Variants in TPI1 observed in about 807,000 individuals in gnomAD.
TPI1 encodes triosephosphate isomerase.
TPI1 carries 11 observed loss-of-function variants against 31.0 expected under a neutral mutation model. That is an observed-to-expected ratio of 0.36 (90% CI 0.22 to 0.59). The LOEUF (loss-of-function observed/expected upper bound fraction) is 0.59. Among genes scored for constraint, TPI1 ranks in the 20% least tolerant of loss-of-function variants. TPI1 has a pLI of 0.79. For synonymous variants in TPI1, 121 were observed against 122.8 expected, an observed-to-expected ratio of 0.99 and a Z score of 0.10; for missense variants, 245 against 319.7, an observed-to-expected ratio of 0.77 and a Z score of 1.78.
chr12:6,867,866 C>T (rs1482237290), intron 1 of TPI1, among the ~76,000 whole-genome samples, 185 bp downstream of exon 1: 4 of 152,108 alleles, frequency 2.6e-5, no homozygotes, highest in Non-Finnish European at 5.9e-5. Flanking sequence ...GTCGGTGCGT[C>T]GAGGGGGCAG....
At chr12:6,868,500 C>A in intron 1 of TPI1, 1 of 1,282,734 alleles carries the variant, frequency 7.8e-7, no homozygotes, top group South Asian at 1.3e-5. Flanking sequence ...CCTTGCCTTG[C>A]AAAGGGGAGG....
rs782622700 is a variant in TPI1 at position 6,867,546 on chromosome 12, C to T, written c.-21C>T. The T allele has an allele frequency of 1.4e-5, 22 of 1,610,004 alleles. No individual in the cohort carries two copies. The highest frequency in any genetic ancestry group is 3.4e-5 in the Admixed American group (2 of 59,444). ...GCGACTGCGCGCAGACACTGACCTT[C>T]AGCGCCTCGGCTCCAGCGCCATGGC... On this transcript the variant is annotated 5_prime_UTR_variant, in exon 1 of 7. Transcript: ENST00000396705.
At chr12:6,868,783 G>A (rs1944514731) in intron 1 of TPI1, 81 bp from the exon 2 acceptor site, 3 of 1,544,812 alleles carry the variant, frequency 1.9e-6, no homozygotes, top group East Asian at 2.4e-5. Flanking sequence ...GGGCTGGGGG[G>A]CTCCAGGGCA....
rs782730215 is a variant in TPI1, at chr12:6,870,541, C to T, written c.*158C>T. On this transcript the variant is annotated 3_prime_UTR_variant, in exon 7 of 7. Coordinates refer to ENST00000396705, the MANE Select transcript of TPI1 (RefSeq NM_000365.6). Reference sequence around the variant, plus strand: ...TCTTCCTTTACTGTTTATATCTTCACCCTGTAATGGTTGGGACCAGGCCAA... The same window carrying T: ...TCTTCCTTTACTGTTTATATCTTCATCCTGTAATGGTTGGGACCAGGCCAA... 6.4e-6 allele frequency: 5 copies of T among 779,808 alleles called. No homozygotes were observed. The highest frequency in any genetic ancestry group is 1.4e-5 in the South Asian group (1 of 73,844). 48.3% of individuals were successfully genotyped at this position (779,808 alleles called of 1,614,324 possible).
At chr12:6,869,984 G>T (rs1278334140) in intron 5 of TPI1, 65 bp from the exon 6 acceptor site, 1 of 1,566,980 alleles carries the variant, frequency 6.4e-7, no homozygotes, top group Non-Finnish European at 8.8e-7. Flanking sequence ...GTGTCCACTG[G>T]TGCCAGTGAT....
At chr12:6,868,752 G>C in intron 1 of TPI1, 112 bp from the exon 2 acceptor site, 1 of 1,498,284 alleles carries the variant, frequency 6.7e-7, no homozygotes, top group Non-Finnish European at 9.0e-7. Context: ...GGGGAGAGCA[G>C]AACCAAGAAG....
chr12:6,867,828 C>A, intron 1 of TPI1, 147 bp downstream of exon 1: 1 of 893,600 alleles, frequency 1.1e-6, no homozygotes, highest in Non-Finnish European at 1.6e-6. Context: ...CGCTGGGGTC[C>A]GGGCAGGGGC....
chr12:6,869,033 T>A lies in TPI1; in HGVS notation c.239+46T>A, dbSNP rs1565537540. On this transcript the variant is annotated intron_variant, in intron 2 of 6. Coordinates refer to ENST00000396705, the MANE Select transcript of TPI1 (RefSeq NM_000365.6). ...GGTGTGTGGGACCCTTCCCTCACTT[T>A]CCTCGTTGAGGGGAAAGCCACAGGG... 1.9e-6 allele frequency: 3 copies of A among 1,614,178 alleles called. No homozygotes were observed. In the East Asian group the frequency reaches 6.7e-5, roughly 36 times the overall value.
chr12:6,867,945 GGCCCCGGGGCGC>G (rs1253927276), intron 1 of TPI1, among the ~76,000 whole-genome samples: 2 of 152,176 alleles, frequency 1.3e-5, no homozygotes, highest in African/African-American at 4.8e-5. Flanking sequence ...GGAGGAAGGT[GGCCCCGGGGCGC>G]GCACTGGGGC....
intron 6 of TPI1, 42 bp from the exon 7 acceptor site, chr12:6,870,223 C>T: frequency 1.2e-6 from 2 of 1,603,834 alleles, no homozygotes; most frequent in Non-Finnish European, 1.7e-6. Context: ...GGGGCAGACT[C>T]ATCCCATTCT....
chr12:6,867,710 CGGGCCG>C lies in TPI1; in HGVS notation c.115+46_115+51del, dbSNP rs138787695. On this transcript the variant is annotated intron_variant, in intron 1 of 6. Transcript: ENST00000396705. ...AGCCCTCGCCGAGGAGGGGTCTGGC[CGGGCCG>C]GGGCCGGGGCCGGGGCAGGAGTGGC... The C allele has an allele frequency of 9.6e-3, 15,050 of 1,575,808 alleles. 1,201 individuals carry two copies. In the East Asian group the frequency reaches 0.21, roughly 22 times the overall value.
intron 1 of TPI1, 104 bp from the exon 2 acceptor site, chr12:6,868,760 A>AAG: frequency 6.6e-7 from 1 of 1,512,004 alleles, no homozygotes. Context: ...CAGAACCAAG[A>AAG]AGAAGAGGGT....
chr12:6,867,994 A>G, intron 1 of TPI1: 1 of 1,093,432 alleles, frequency 9.1e-7, no homozygotes, highest in Non-Finnish European at 1.2e-6. Flanking sequence ...CGGGGTTAGG[A>G]GCGGAGCCCG....
In TPI1 at chr12:6,867,685, A is replaced by T; in HGVS notation, c.115+4A>T. ...GCCAAGGTGCCGGCCGACACCGGTA[A>T]GCCCTCGCCGAGGAGGGGTCTGGCC... On this transcript the variant is annotated splice_donor_region_variant and intron_variant, in intron 1 of 6. Transcript: ENST00000396705. The T allele has an allele frequency of 6.3e-7, 1 of 1,590,580 alleles. No homozygotes were observed. The highest frequency in any genetic ancestry group is 8.6e-7 in the Non-Finnish European group (1 of 1,162,866).
chr12:6,869,962 A>G (rs1944550284), intron 5 of TPI1, 87 bp from the exon 6 acceptor site: 2 of 1,512,704 alleles, frequency 1.3e-6, no homozygotes, highest in Non-Finnish European at 9.2e-7. Flanking sequence ...ACTCAGTCAG[A>G]AACCACACTA....
intron 1 of TPI1, chr12:6,868,110 C>G: frequency 7.8e-7 from 1 of 1,274,504 alleles, no homozygotes; most frequent in African/African-American, 1.5e-5. Flanking sequence ...GACTCCTCCC[C>G]TTCCTCGCCG....
chr12:6,868,809 G>A, intron 1 of TPI1, 55 bp from the exon 2 acceptor site: 1 of 1,581,254 alleles, frequency 6.3e-7, no homozygotes, highest in Non-Finnish European at 8.6e-7. Flanking sequence ...TAGGAATTGT[G>A]GGGAATGAAG....
In TPI1 at chr12:6,867,736, A is replaced by G. The variant is rs782637573; in HGVS notation, c.115+55A>G. ...GGGCCGGGGCCGGGGCCGGGGCAGG[A>G]GTGGCAGCGCCCTCTCCCGAGGCCC... On this transcript the variant is annotated intron_variant, in intron 1 of 6. Coordinates refer to ENST00000396705, the MANE Select transcript of TPI1 (RefSeq NM_000365.6). The G allele has an allele frequency of 3.8e-4, 574 of 1,498,482 alleles. 2 individuals are homozygous for G. The African/African-American group carries it at 7.0e-3, about 18-fold the overall frequency. 92.8% of individuals were successfully genotyped at this position (1,498,482 alleles called of 1,614,324 possible).
At chr12:6,867,442 G>T (rs1480716862), upstream of TPI1, 16 of 1,495,418 alleles carry the variant, frequency 1.1e-5, no homozygotes, top group Non-Finnish European at 1.3e-5. Context: ...GGGCTCCGGG[G>T]GACTGGGCGG....
Sources: allele counts gnomAD v4.1 joint callset (sites outside exome capture counted in the v4.1 genomes callset), GRCh38; gene constraint gnomAD v4.1.1; transcripts MANE v1.5; gene names NCBI Gene and HGNC (gene_info 2026-07-23, HGNC 2026-07-21).